Variants in DOCK7 observed in about 807,000 individuals in gnomAD.
DOCK7 encodes the protein dedicator of cytokinesis protein 7.
In DOCK7, 138 loss-of-function variants were observed where a neutral mutation model predicts 271.0. That is an observed-to-expected ratio of 0.51 (90% CI 0.44 to 0.59). The LOEUF (loss-of-function observed/expected upper bound fraction) is 0.59, where lower values mean the gene tolerates loss of function less well. DOCK7 is among the 20% of genes least tolerant of loss of function. DOCK7 has a pLI of 0.00. For missense variants in DOCK7, 2,066 were observed against 2,592.4 expected (o/e 0.80, Z 4.41); for synonymous variants, 823 against 876.1 (o/e 0.94, Z 1.07).
At position 62,477,742 on chromosome 1, in the gene DOCK7, C is replaced by T; in HGVS notation, c.5592G>A (p.Glu1864=). 1.2e-6 allele frequency: 2 copies of T among 1,609,958 alleles called. No homozygotes were observed. Among genetic ancestry groups the T allele is most frequent in the Admixed American group, 1.7e-5 (1 of 58,638 alleles). Residue 1864 remains glutamate (E), a synonymous_variant, in exon 44 of 50, where the codon GAG becomes GAA. Coordinates refer to ENST00000635253, the MANE Select transcript of DOCK7 (RefSeq NM_001367561.1). The stretch of plus-strand genomic sequence containing the variant: ...TCTCTGCAAGTTTGGTTATTGCAGG[C>T]TCCTTGTAAACAAATTCTTGTTCAT... The part of the protein sequence containing the change: ...DLDEQEFVYK[E]PAITKLAEIS...
intron 14 of DOCK7, among the ~76,000 whole-genome samples, chr1:62,600,345 A>G (rs901490751): frequency 2.6e-5 from 4 of 151,838 alleles, no homozygotes; most frequent in Non-Finnish European, 5.9e-5. Context: ...TACTTAGTAG[A>G]AAAGAGTAAT....
chr1:62,625,148 G>A, intron 12 of DOCK7, 111 bp downstream of exon 12: 1 of 933,596 alleles, frequency 1.1e-6, no homozygotes, highest in African/African-American at 1.7e-5. Context: ...AAGTTTTTAA[G>A]TTTCTTGGAA....
chr1:62,539,062 A>G (rs1645440591), intron 27 of DOCK7, among the ~76,000 whole-genome samples: 1 of 152,216 alleles, frequency 6.6e-6, no homozygotes, highest in Non-Finnish European at 1.5e-5. Flanking sequence ...GGATGCTTTT[A>G]ATTTCGTAAA....
At chr1:62,489,245 C>T (rs1290510359) in intron 41 of DOCK7, among the ~76,000 whole-genome samples, 180 bp from the exon 42 acceptor site, 5 of 152,072 alleles carry the variant, frequency 3.3e-5, no homozygotes, top group East Asian at 1.9e-4. Context: ...GTCAGGAGAT[C>T]GAGACCACCC....
chr1:62,513,950 GT>G, intron 31 of DOCK7, 52 bp from the exon 32 acceptor site: 1 of 1,493,364 alleles, frequency 6.7e-7, no homozygotes, highest in South Asian at 1.3e-5. Flanking sequence ...ACCATTTCTT[GT>G]TTTTTGGCTA....
At chr1:62,521,981 A>C (rs1644867025) in intron 31 of DOCK7, among the ~76,000 whole-genome samples, 1 of 152,120 alleles carries the variant, frequency 6.6e-6, no homozygotes, top group African/African-American at 2.4e-5. Flanking sequence ...ATCTCAAAAA[A>C]TAAAATAAAA....
At chr1:62,575,271 T>C (rs1646911367) in intron 18 of DOCK7, among the ~76,000 whole-genome samples, 1 of 152,156 alleles carries the variant, frequency 6.6e-6, no homozygotes, top group Admixed American at 6.6e-5. Context: ...TTACACCAAG[T>C]GTGCCTGCTT....
At chr1:62,533,075 C>T (rs534049732) in intron 29 of DOCK7, among the ~76,000 whole-genome samples, 1 of 152,126 alleles carries the variant, frequency 6.6e-6, no homozygotes, top group Admixed American at 6.6e-5. Flanking sequence ...AAAAACCTAT[C>T]TTTCTGGGGG....
intron 7 of DOCK7, among the ~76,000 whole-genome samples, chr1:62,637,269 T>C (rs1671070685): frequency 6.6e-6 from 1 of 152,198 alleles, no homozygotes; most frequent in Non-Finnish European, 1.5e-5. Flanking sequence ...GGCAAAATTG[T>C]ATACTTAATT....
intron 14 of DOCK7, among the ~76,000 whole-genome samples, chr1:62,607,245 C>G (rs1651134401): frequency 6.6e-6 from 1 of 151,978 alleles, no homozygotes; most frequent in African/African-American, 2.4e-5. Context: ...CTACTGCTAT[C>G]CCTTTCTACC....
Position 62,662,329 on chromosome 1 carries a change from G to A in DOCK7, c.144+696C>T, listed in dbSNP as rs556119547. Among the ~76,000 whole-genome samples, 41 of 152,192 alleles carry A rather than the reference G, an allele frequency of 2.7e-4. No individual in the cohort carries two copies. In the South Asian group the frequency reaches 8.5e-3, roughly 32 times the overall value. ...ATTTATGTCTCTGACACAGTACTGG[G>A]CTTACAGTAATAATTCAATAAATAT... On this transcript the variant is annotated intron_variant, in intron 2 of 49. Coordinates refer to ENST00000635253, the MANE Select transcript of DOCK7 (RefSeq NM_001367561.1).
At chr1:62,602,215 CAAA>C in intron 14 of DOCK7, 1 of 1,261,326 alleles carries the variant, frequency 7.9e-7, no homozygotes, top group African/African-American at 1.5e-5. Flanking sequence ...ATCAAACAAA[CAAA>C]AAAGTGTTAT....
At chr1:62,491,270 G>A (rs763390196) in intron 41 of DOCK7, among the ~76,000 whole-genome samples, 2 of 152,206 alleles carry the variant, frequency 1.3e-5, no homozygotes, top group Non-Finnish European at 2.9e-5. Context: ...CCCAACAGCA[G>A]TAGAAATGGG....
intron 1 of DOCK7, among the ~76,000 whole-genome samples, chr1:62,668,879 C>T (rs1046487762): frequency 4.7e-5 from 7 of 149,462 alleles, no homozygotes; most frequent in African/African-American, 1.7e-4. Flanking sequence ...AAGCCTTAAT[C>T]GTACCACTGC....
intron 10 of DOCK7, among the ~76,000 whole-genome samples, chr1:62,632,810 C>T (rs1244343546): frequency 6.6e-6 from 1 of 152,074 alleles, no homozygotes; most frequent in East Asian, 1.9e-4. Context: ...AACCCCATCT[C>T]TACTAAAAAT....
In DOCK7 at chr1:62,578,732, A is replaced by AC. The variant is rs1244317629; in HGVS notation, c.2010+95_2010+96insG. The AC allele has an allele frequency of 4.9e-6, 5 of 1,027,538 alleles. No individual in the cohort carries two copies. In the African/African-American group the frequency reaches 5.1e-5, roughly 11 times the overall value. The allele number at this position is 1,027,538 out of a possible 1,614,324, so 63.7% of individuals were successfully genotyped here. A position where few individuals can be genotyped will look rare whatever the true frequency, so the allele number is the denominator to read the frequency against. On this transcript the variant is annotated intron_variant, in intron 17 of 49. Coordinates refer to ENST00000635253, the MANE Select transcript of DOCK7 (RefSeq NM_001367561.1). Reference sequence around the variant, plus strand: ...GACTCTGTCTCAAAAAAAAAAAAAAAAAAAAAACCCACAAATGACCAGAAA... The same window carrying AC: ...GACTCTGTCTCAAAAAAAAAAAAAAACAAAAAAACCCACAAATGACCAGAAA...
intron 31 of DOCK7, among the ~76,000 whole-genome samples, chr1:62,521,659 C>T (rs972384319): frequency 1.7e-4 from 26 of 152,220 alleles, no homozygotes; most frequent in African/African-American, 6.0e-4. Context: ...TACATTTCTA[C>T]TAGAATAAAA....
At position 62,633,558 on chromosome 1, in the gene DOCK7, T is replaced by C. The variant is rs948445533; in HGVS notation, c.1056A>G (p.Gln352=). 1 of 1,613,164 alleles carries C rather than the reference T, an allele frequency of 6.2e-7. No individual in the cohort carries two copies. The highest frequency in any genetic ancestry group is 1.7e-5 in the Admixed American group (1 of 59,942). Residue 352 remains glutamine (Q), a synonymous_variant, in exon 10 of 50, where the codon CAA becomes CAG. Transcript: ENST00000635253. ...LVIKLEKVLQ[Q]GDIGECAEPY... ...GTTCTGCACACTCTCCAATGTCTCC[T>C]TGCTGTAGGACTTTTTCTAGCTGTC...
At position 62,663,033 on chromosome 1, in the gene DOCK7, G is replaced by A; in HGVS notation, c.136C>T (p.His46Tyr). The change falls in exon 2 of 50, where the codon CAC becomes TAC. Residue 46 changes from histidine (H) to tyrosine (Y), a missense_variant. His to Tyr is a moderately conservative substitution (Grantham distance 83). Transcript: ENST00000635253. ...TTGAATACGTTACTTACTGTGGTGT[G>A]ATGGGATATATTGCCAACAATATTA... The part of the protein sequence containing the change: ...NLNIVGNISH[H>Y]TTVPLTEAVD... 1 of 1,610,886 alleles carries A rather than the reference G, an allele frequency of 6.2e-7. No homozygotes were observed. Among genetic ancestry groups the A allele is most frequent in the East Asian group, 2.2e-5 (1 of 44,844 alleles).
Sources: gnomAD v4.1 joint callset for allele counts (sites outside exome capture counted in the v4.1 genomes callset) on GRCh38, gnomAD v4.1.1 for gene constraint, MANE v1.5 for transcripts, NCBI Gene and HGNC (gene_info 2026-07-23, HGNC 2026-07-21) for gene names.